The following SLC12A5 variants were observed in gnomAD, a reference collection of about 807,000 sequenced individuals.
SLC12A5 encodes K-Cl cotransporter 2.
In SLC12A5, 18 loss-of-function variants were observed where a neutral mutation model predicts 124.0. That is an observed-to-expected ratio of 0.15 (90% CI 0.10 to 0.22). The LOEUF is 0.22. Ranked by LOEUF, SLC12A5 falls within the 10% of genes least tolerant of loss-of-function variation. SLC12A5 has a pLI of 1.00. For synonymous variants in SLC12A5, 589 were observed against 568.0 expected (o/e 1.04, Z -0.53); for missense variants, 867 against 1,478.7 (o/e 0.59, Z 6.78).
At chr20:46,023,039 C>T in exon 2 of SLC12A5, 2 of 399,684 alleles carry the variant, frequency 5.0e-6, no homozygotes, top group Non-Finnish European at 8.7e-6. Flanking sequence ...GAGAAGCCTC[C>T]CCAGACCGCC....
chr20:46,049,721 G>C lies in SLC12A5; in HGVS notation c.2112G>C (p.Leu704=), dbSNP rs769972122. Residue 704 remains leucine (L), a synonymous_variant, in exon 17 of 26, where the codon CTG becomes CTC. Transcript: ENST00000243964. ...CCCAGCTGAAGGCGGGGAAGGGCCT[G>C]ACCATCGTGGGCTCTGTCCTTGAGG... ...LTSQLKAGKG[L]TIVGSVLEGT... 6.2e-7 allele frequency: 1 copy of C among 1,604,646 alleles called. No homozygotes were observed. Among genetic ancestry groups the C allele is most frequent in the Non-Finnish European group, 8.5e-7 (1 of 1,176,308 alleles).
chr20:46,043,728 G>A lies in SLC12A5; in HGVS notation c.1333G>A (p.Val445Ile), dbSNP rs1600597599. The change falls in exon 10 of 26, where the codon GTC (valine) becomes ATC (isoleucine). Residue 445 changes from valine (V) to isoleucine (I), a missense_variant. Transcript: ENST00000243964. ...TILAIATTSA[V>I]YISSVVLFGA... Reference sequence around the variant, plus strand: ...CCTGGCCATCGCCACCACCTCTGCTGTCTGTATCCTGCACAGCTGTGCTGG... The same window carrying A: ...CCTGGCCATCGCCACCACCTCTGCTATCTGTATCCTGCACAGCTGTGCTGG... 6.2e-7 allele frequency: 1 copy of A among 1,614,090 alleles called. No individual in the cohort carries two copies.
In SLC12A5 at chr20:46,035,574, C is replaced by T. The variant is rs2868365; in HGVS notation, c.279+39C>T. The T allele has an allele frequency of 0.044, 22,656 of 511,928 alleles. 685 individuals carry two copies. The highest frequency in any genetic ancestry group is 0.2 in the Admixed American group (6,844 of 33,602). The allele number at this position is 511,928 out of a possible 1,614,324, so 31.7% of individuals were successfully genotyped here. The stretch of plus-strand genomic sequence containing the variant: ...GGGATGAGAAATGGAAGAAAAGGGA[C>T]GGATGGGGGGTGGGGGAGGATGGGG... On this transcript the variant is annotated intron_variant, in intron 3 of 25. Coordinates refer to ENST00000243964, the MANE Select transcript of SLC12A5 (RefSeq NM_020708.5).
intron 21 of SLC12A5, chr20:46,055,838 A>G: frequency 3.0e-6 from 1 of 330,724 alleles, no homozygotes; most frequent in Non-Finnish European, 5.6e-6. Context: ...GAGGTAGTAA[A>G]AATGGTAAAA....
intron 7 of SLC12A5, 41 bp downstream of exon 7, chr20:46,040,655 C>T (rs1210797259): frequency 1.9e-6 from 3 of 1,601,020 alleles, no homozygotes; most frequent in Non-Finnish European, 1.7e-6. Flanking sequence ...CGTCCTCCTA[C>T]CTCCCTGGCC....
rs2084737783 is a variant in SLC12A5, at chr20:46,059,859, T to C, written c.*2254T>C. 1 of 386,742 alleles carries C rather than the reference T, an allele frequency of 2.6e-6. No homozygotes were observed. Among genetic ancestry groups the C allele is most frequent in the Admixed American group, 4.5e-5 (1 of 22,306 alleles). The allele number at this position is 386,742 out of a possible 1,614,324, so 24.0% of individuals were successfully genotyped here. A position where few individuals can be genotyped will look rare whatever the true frequency, so the allele number is the denominator to read the frequency against. Reference sequence around the variant, plus strand: ...ATGATCTATGTGCAGGGCAATGCAATGAAGTTGAAAACCCTTGTAAATAGG... The same window carrying C: ...ATGATCTATGTGCAGGGCAATGCAACGAAGTTGAAAACCCTTGTAAATAGG... On this transcript the variant is annotated 3_prime_UTR_variant, in exon 26 of 26. Coordinates refer to ENST00000243964, the MANE Select transcript of SLC12A5 (RefSeq NM_020708.5).
Position 46,058,956 on chromosome 20 carries a change from C to T in SLC12A5, c.*1351C>T, listed in dbSNP as rs891695986. The T allele has an allele frequency of 5.2e-6, 2 of 387,076 alleles. No individual in the cohort carries two copies. Among genetic ancestry groups the T allele is most frequent in the Admixed American group, 4.5e-5 (1 of 22,348 alleles). The allele number at this position is 387,076 out of a possible 1,614,324, so 24.0% of individuals were successfully genotyped here. A position where few individuals can be genotyped will look rare whatever the true frequency, so the allele number is the denominator to read the frequency against. ...CCTGAGGGAGGGCTGGAGTCGCACGCGCTTTGTCCTTAGCGCCTGTCTGCT... is the reference window on the plus strand; with the variant it reads ...CCTGAGGGAGGGCTGGAGTCGCACGTGCTTTGTCCTTAGCGCCTGTCTGCT... On this transcript the variant is annotated 3_prime_UTR_variant, in exon 26 of 26. Coordinates refer to ENST00000243964, the MANE Select transcript of SLC12A5 (RefSeq NM_020708.5). This position sits in a 1 kb window ranked among gnomAD's most constrained non-coding sequence, Gnocchi z 5.8.
Position 46,049,733 on chromosome 20 carries a change from C to T in SLC12A5, c.2124C>T (p.Gly708=), listed in dbSNP as rs763168507. 1 of 1,604,308 alleles carries T rather than the reference C, an allele frequency of 6.2e-7. No homozygotes were observed. The highest frequency in any genetic ancestry group is 1.1e-5 in the South Asian group (1 of 88,474). ...LKAGKGLTIV[G]SVLEGTFLEN... ...CGGGGAAGGGCCTGACCATCGTGGG[C>T]TCTGTCCTTGAGGGCACCTTTCTGG... Residue 708 remains glycine (G), a synonymous_variant, in exon 17 of 26, where the codon GGC becomes GGT. Coordinates refer to ENST00000243964, the MANE Select transcript of SLC12A5 (RefSeq NM_020708.5).
At chr20:46,046,267 G>A in intron 13 of SLC12A5, 71 bp from the exon 14 acceptor site, 2 of 1,369,584 alleles carry the variant, frequency 1.5e-6, no homozygotes, top group Non-Finnish European at 2.1e-6. Context: ...CCCTTTCTCT[G>A]CCCATGCTGT....
Position 46,059,816 on chromosome 20 carries a change from G to A in SLC12A5, c.*2211G>A, listed in dbSNP as rs1376829285. The A allele has an allele frequency of 7.6e-6, 3 of 395,624 alleles. No individual in the cohort carries two copies. Among genetic ancestry groups the A allele is most frequent in the East Asian group, 7.2e-5 (2 of 27,898 alleles). 24.5% of individuals were successfully genotyped at this position (395,624 alleles called of 1,614,324 possible). A position where few individuals can be genotyped will look rare whatever the true frequency, so the allele number is the denominator to read the frequency against. On this transcript the variant is annotated 3_prime_UTR_variant, in exon 26 of 26. Coordinates refer to ENST00000243964, the MANE Select transcript of SLC12A5 (RefSeq NM_020708.5). ...TTCAATAGCCTTGTAGTGATAACTA[G>A]TGTTGCTTTTGTTTTAGATGATCTA...
At chr20:46,046,276 G>A (rs949542921) in intron 13 of SLC12A5, 62 bp from the exon 14 acceptor site, 2 of 1,436,574 alleles carry the variant, frequency 1.4e-6, no homozygotes, top group Admixed American at 1.7e-5. Flanking sequence ...TGCCCATGCT[G>A]TTGTTTCTGT....
In SLC12A5 at chr20:46,057,010, G is replaced by A; in HGVS notation, c.3125+99G>A. ...ACCCCTAATTGGTGCCACGACCTCT[G>A]GGATCTCTGAATAGCCTAGCCTGGA... On this transcript the variant is annotated intron_variant, in intron 24 of 25. Transcript: ENST00000243964. This position sits in a 1 kb window ranked among gnomAD's most constrained non-coding sequence, Gnocchi z 7.1. 6.3e-7 allele frequency: 1 copy of A among 1,595,478 alleles called. No homozygotes were observed. Among genetic ancestry groups the A allele is most frequent in the South Asian group, 1.1e-5 (1 of 90,612 alleles).
chr20:46,039,855 T>C (rs1020061715), intron 6 of SLC12A5, among the ~76,000 whole-genome samples: 6 of 152,102 alleles, frequency 3.9e-5, no homozygotes, highest in African/African-American at 1.4e-4. Context: ...TCTTTTTTAA[T>C]AGCTCCATAG....
intron 1 of SLC12A5, among the ~76,000 whole-genome samples, chr20:46,032,967 G>C (rs1289316900): frequency 6.6e-6 from 1 of 152,150 alleles, no homozygotes; most frequent in Non-Finnish European, 1.5e-5. Flanking sequence ...CTTATTCCCA[G>C]GAACTCACAT....
chr20:46,051,347 C>T (rs966087271), intron 17 of SLC12A5, among the ~76,000 whole-genome samples: 3 of 152,046 alleles, frequency 2.0e-5, no homozygotes, highest in African/African-American at 4.8e-5. Context: ...TGAGCTGGGC[C>T]AGACAGGGTG....
At chr20:46,036,876 GGCCCA>G in intron 5 of SLC12A5, 81 bp downstream of exon 5, 1 of 1,524,136 alleles carries the variant, frequency 6.6e-7, no homozygotes, top group African/African-American at 1.4e-5. Flanking sequence ...GGGACATCAA[GGCCCA>G]AGAGAGATAA....
Position 46,058,653 on chromosome 20 carries a change from C to CCGTATCCCATGGCTCCT in SLC12A5, c.*1051_*1067dup. On this transcript the variant is annotated 3_prime_UTR_variant, in exon 26 of 26. Transcript: ENST00000243964. The surrounding 1 kb of genome is among the most constrained non-coding windows in gnomAD (Gnocchi z 5.8). The stretch of plus-strand genomic sequence containing the variant: ...CCTCAGTCGGCTTGTCGCCTGCTCC[C>CCGTATCCCATGGCTCCT]CGTATCCCATGGCTCCTCGCCAAAG... 1 of 399,048 alleles carries CCGTATCCCATGGCTCCT rather than the reference C, an allele frequency of 2.5e-6. No individual in the cohort carries two copies. Among genetic ancestry groups the CCGTATCCCATGGCTCCT allele is most frequent in the Non-Finnish European group, 4.4e-6 (1 of 226,072 alleles). The allele number at this position is 399,048 out of a possible 1,614,324, so 24.7% of individuals were successfully genotyped here.
At chr20:46,022,070 G>C (rs2084360514) in intron 1 of SLC12A5, 1 of 734,954 alleles carries the variant, frequency 1.4e-6, no homozygotes, top group Admixed American at 4.1e-5. Flanking sequence ...GGAACGCAAA[G>C]TGTGGAGGGG....
chr20:46,044,025 C>G, intron 11 of SLC12A5, 92 bp downstream of exon 11: 1 of 1,302,892 alleles, frequency 7.7e-7, no homozygotes, highest in South Asian at 1.5e-5. Context: ...GTGCTGGGAC[C>G]TGTGTGAGGG....
Sources: gnomAD v4.1 joint callset for allele counts (sites outside exome capture counted in the v4.1 genomes callset) on GRCh38, gnomAD v4.1.1 for gene constraint, Gnocchi (gnomAD v3.1) non-coding constraint, MANE v1.5 for transcripts, NCBI Gene and HGNC (gene_info 2026-07-23, HGNC 2026-07-21) for gene names.